PTPRT: variants seen among roughly 807,000 people sequenced by gnomAD.
The protein encoded by PTPRT is protein tyrosine phosphatase receptor type T, also known as receptor-type tyrosine-protein phosphatase T.
PTPRT carries 56 observed loss-of-function variants against 176.8 expected under a neutral mutation model. The observed-to-expected ratio is 0.32, with a 90% CI of 0.26 to 0.40. The LOEUF (loss-of-function observed/expected upper bound fraction) is 0.40, where lower values mean the gene tolerates loss of function less well. Ranked by LOEUF, PTPRT falls within the 10% of genes least tolerant of loss-of-function variation. The probability of loss-of-function intolerance (pLI) is 1.00; values close to 1 mark genes in which losing one functional copy is unlikely to be tolerated. For missense variants in PTPRT, 1,540 were observed against 1,908.2 expected (o/e 0.81, Z 3.60); for synonymous variants, 783 against 739.0 (o/e 1.06, Z -0.96).
At chr20:42,062,106 C>T in the PTPRT span, among the ~76,000 whole-genome samples, 1 of 152,208 alleles carries the variant, frequency 6.6e-6, no homozygotes, top group South Asian at 2.1e-4. Context: ...ACTATCCAGC[C>T]CCCAGGATTG....
chr20:42,661,274 A>G (rs2075219015), intron 7 of PTPRT, among the ~76,000 whole-genome samples: 1 of 152,206 alleles, frequency 6.6e-6, no homozygotes, highest in Non-Finnish European at 1.5e-5. Flanking sequence ...AGTTCACACA[A>G]AACTTTTCTG....
chr20:42,333,956 C>T (rs1353217378), intron 11 of PTPRT, among the ~76,000 whole-genome samples: 1 of 152,170 alleles, frequency 6.6e-6, no homozygotes, highest in Non-Finnish European at 1.5e-5. Flanking sequence ...GCTGGGATTA[C>T]AGGCATAAGC....
At chr20:42,813,953 C>T (rs2077739214) in intron 2 of PTPRT, among the ~76,000 whole-genome samples, 2 of 152,076 alleles carry the variant, frequency 1.3e-5, no homozygotes, top group South Asian at 2.1e-4. Flanking sequence ...CTCCATAACC[C>T]CCTTCCTTTG....
intron 1 of PTPRT, among the ~76,000 whole-genome samples, chr20:42,954,011 T>C (rs1004614672): frequency 2.6e-5 from 4 of 152,054 alleles, no homozygotes; most frequent in African/African-American, 9.7e-5. Context: ...TGGGAGATAA[T>C]GGACGAGTCT....
intron 7 of PTPRT, among the ~76,000 whole-genome samples, chr20:42,659,533 A>C (rs1007384712): frequency 1.3e-5 from 2 of 152,220 alleles, no homozygotes; most frequent in African/African-American, 4.8e-5. Flanking sequence ...GTTAGAGTCT[A>C]ATCTATTCAA....
rs559502948 is a variant in PTPRT at position 42,308,589 on chromosome 20, G to A, written c.2139+7134C>T. Among the ~76,000 whole-genome samples the A allele has an allele frequency of 5.3e-5, 8 of 152,294 alleles. No homozygotes were observed. The South Asian group carries it at 1.5e-3, about 28-fold the overall frequency. On this transcript the variant is annotated intron_variant, in intron 12 of 30. Coordinates refer to ENST00000373187, the MANE Select transcript of PTPRT (RefSeq NM_007050.6). ...AGAACAAATAGTCCAACTGTAATGC[G>A]ATAAGATACTTTAATATACATTGTC...
At chr20:42,840,892 C>T (rs1344663227) in intron 2 of PTPRT, among the ~76,000 whole-genome samples, 6 of 152,154 alleles carry the variant, frequency 3.9e-5, no homozygotes, top group Non-Finnish European at 8.8e-5. Context: ...TCCCTAGTGG[C>T]CTTCCTGCTC....
intron 2 of PTPRT, among the ~76,000 whole-genome samples, chr20:42,833,929 T>C (rs78434119): frequency 7.0e-4 from 107 of 152,126 alleles, no homozygotes; most frequent in Non-Finnish European, 1.2e-3. Flanking sequence ...CAGGAAAAAA[T>C]CTTTGTGGCC....
intron 1 of PTPRT, among the ~76,000 whole-genome samples, chr20:43,120,084 G>A (rs1031971089): frequency 6.6e-6 from 1 of 152,132 alleles, no homozygotes; most frequent in East Asian, 1.9e-4. Flanking sequence ...TGGGATTATA[G>A]GTGTGAGATA....
intron 6 of PTPRT, among the ~76,000 whole-genome samples, chr20:42,730,628 T>C (rs573826650): frequency 6.6e-6 from 1 of 152,250 alleles, no homozygotes; most frequent in Admixed American, 6.5e-5. Context: ...TGGTTCACTT[T>C]GTGGTAAACA....
At chr20:42,289,139 G>T (rs985881174) in intron 12 of PTPRT, among the ~76,000 whole-genome samples, 6 of 152,036 alleles carry the variant, frequency 3.9e-5, no homozygotes, top group African/African-American at 1.2e-4. Context: ...ATGGATTAAA[G>T]ACTTAAATGT....
Position 43,035,034 on chromosome 20 carries a change from G to T in PTPRT, c.89-149102C>A, listed in dbSNP as rs148030041. 4.3e-3 allele frequency among the ~76,000 whole-genome samples: 655 copies of T among 152,172 alleles called. 5 individuals carry two copies. Among genetic ancestry groups the T allele is most frequent in the African/African-American group, 0.013 (546 of 41,512 alleles). On this transcript the variant is annotated intron_variant, in intron 1 of 30. Transcript: ENST00000373187. ...CCCACCTCCAGTGCAATGTGTAGAGGAGTCACAGCAGAATAAACAGAGACA... is the reference window on the plus strand; with the variant it reads ...CCCACCTCCAGTGCAATGTGTAGAGTAGTCACAGCAGAATAAACAGAGACA...
intron 1 of PTPRT, among the ~76,000 whole-genome samples, chr20:43,110,222 G>A (rs1287710379): frequency 6.6e-6 from 1 of 152,118 alleles, no homozygotes; most frequent in East Asian, 1.9e-4. Flanking sequence ...GTGAGGAAAT[G>A]CCAGGTTCTT....
chr20:42,685,390 C>T (rs1199291528), intron 6 of PTPRT: 4 of 152,196 alleles, frequency 2.6e-5, no homozygotes, highest in African/African-American at 9.7e-5. Flanking sequence ...TGGTTAGCTA[C>T]CACAAGACCC....
At chr20:42,368,212 A>G (rs1411592014) in intron 9 of PTPRT, among the ~76,000 whole-genome samples, 1 of 152,156 alleles carries the variant, frequency 6.6e-6, no homozygotes, top group Non-Finnish European at 1.5e-5. Context: ...AAGGACATAG[A>G]TTATGCCCTG....
intron 4 of PTPRT, among the ~76,000 whole-genome samples, chr20:42,775,021 C>T (rs17749217): frequency 0.3 from 46,034 of 152,040 alleles, 8,856 homozygotes; most frequent in Non-Finnish European, 0.44. Context: ...TTATATTCCA[C>T]GAGCTTCAAA....
Position 42,823,044 on chromosome 20 carries a change from C to A in PTPRT, c.215-31578G>T, listed in dbSNP as rs375139388. On this transcript the variant is annotated intron_variant, in intron 2 of 30. Coordinates refer to ENST00000373187, the MANE Select transcript of PTPRT (RefSeq NM_007050.6). ...CAGCAATCCCATTACTGGGTATATA[C>A]CCAGAGGAACGCAAATCATTCTACT... Among the ~76,000 whole-genome samples the A allele has an allele frequency of 4.6e-5, 7 of 152,252 alleles. 1 individual carries two copies. The South Asian group carries it at 1.2e-3, about 27-fold the overall frequency.
chr20:42,837,491 C>T (rs1569183577), intron 2 of PTPRT, among the ~76,000 whole-genome samples: 3 of 152,194 alleles, frequency 2.0e-5, no homozygotes, highest in Non-Finnish European at 4.4e-5. Context: ...CCATGCCCTG[C>T]CATCAAAGTG....
At chr20:42,431,299 T>A (rs1280037090) in intron 9 of PTPRT, among the ~76,000 whole-genome samples, 2 of 152,144 alleles carry the variant, frequency 1.3e-5, no homozygotes, top group Non-Finnish European at 2.9e-5. Context: ...GATCTGAAGG[T>A]CATGTTCTTT....
Sources: allele counts gnomAD v4.1 joint callset (sites outside exome capture counted in the v4.1 genomes callset), GRCh38; gene constraint gnomAD v4.1.1; transcripts MANE v1.5; gene names NCBI Gene and HGNC (gene_info 2026-07-23, HGNC 2026-07-21).